Variants in TEX22 observed in about 807,000 individuals in gnomAD.
TEX22 encodes the protein testis expressed 22, also known as testis-expressed protein 22.
Under a neutral mutation model 11.3 loss-of-function variants are expected in TEX22, and 16 were observed. The ratio of observed to expected loss-of-function variants is 1.42; its 90% CI spans 0.96 to 2.15. The LOEUF (loss-of-function observed/expected upper bound fraction) is 2.15, where lower values mean the gene tolerates loss of function less well. TEX22 is among the 30% of genes most tolerant of loss of function. The probability of loss-of-function intolerance (pLI) is 0.00; values close to 1 mark genes in which losing one functional copy is unlikely to be tolerated. For missense variants in TEX22, 220 were observed against 208.6 expected (o/e 1.05, Z -0.34); for synonymous variants, 97 against 92.3 (o/e 1.05, Z -0.29).
In TEX22 at chr14:105,404,104, C is replaced by T. The variant is rs138616021; in HGVS notation, c.150+4614C>T. 6.6e-3 allele frequency among the ~76,000 whole-genome samples: 1,002 copies of T among 152,334 alleles called. 17 individuals carry two copies. Among genetic ancestry groups the T allele is most frequent in the African/African-American group, 0.023 (938 of 41,562 alleles). On this transcript the variant is annotated intron_variant, in intron 2 of 3. Transcript: ENST00000451127. ...CTGGTGGCTTTGGTTTGAGATCTCT[C>T]AGGAGCTTATAGTTGAGATAGCAGT...
intron 2 of TEX22, among the ~76,000 whole-genome samples, chr14:105,405,018 G>C (rs55721149): frequency 8.7e-4 from 133 of 152,262 alleles, no homozygotes; most frequent in African/African-American, 2.9e-3. Flanking sequence ...AGAAGAGGAG[G>C]GGGGTGGGCC....
chr14:105,411,287 G>A, intron 2 of TEX22, 81 bp from the exon 3 acceptor site: 1 of 1,224,126 alleles, frequency 8.2e-7, no homozygotes, highest in Non-Finnish European at 1.0e-6. Context: ...GGCGAGCTCT[G>A]AGGGTCGGCG....
chr14:105,411,616 C>T (rs782250205), intron 3 of TEX22, 44 bp from the exon 4 acceptor site: 2 of 1,465,582 alleles, frequency 1.4e-6, no homozygotes, highest in South Asian at 2.4e-5. Flanking sequence ...CCGCCGTTGT[C>T]CCCTTCCCGC....
chr14:105,402,492 C>A (rs190252612), intron 2 of TEX22, among the ~76,000 whole-genome samples: 20 of 152,128 alleles, frequency 1.3e-4, no homozygotes, highest in South Asian at 2.1e-4. Context: ...TGGTGGCTCA[C>A]GCCTGTAATC....
intron 1 of TEX22, among the ~76,000 whole-genome samples, chr14:105,398,949 G>C (rs1179063694): frequency 6.6e-6 from 1 of 152,248 alleles, no homozygotes; most frequent in African/African-American, 2.4e-5. Flanking sequence ...AGCAAGGCCG[G>C]GCCCTGAGAG....
intron 2 of TEX22, among the ~76,000 whole-genome samples, chr14:105,410,894 G>T (rs1173058474): frequency 6.6e-6 from 1 of 152,202 alleles, no homozygotes; most frequent in East Asian, 1.9e-4. Context: ...CCCTGCCAGG[G>T]GCCCTCCTCC....
chr14:105,410,269 G>T (rs1214598073), intron 2 of TEX22, among the ~76,000 whole-genome samples: 1 of 152,100 alleles, frequency 6.6e-6, no homozygotes, highest in Admixed American at 6.6e-5. Context: ...TAGAGATGGG[G>T]TTTTTCCACG....
intron 2 of TEX22, among the ~76,000 whole-genome samples, chr14:105,404,393 G>A (rs942363447): frequency 3.9e-5 from 6 of 152,172 alleles, no homozygotes; most frequent in Non-Finnish European, 7.3e-5. Context: ...TACAGTATCC[G>A]TTTTGGATAC....
At chr14:105,405,669 G>C (rs922186346) in intron 2 of TEX22, among the ~76,000 whole-genome samples, 2 of 152,224 alleles carry the variant, frequency 1.3e-5, no homozygotes, top group Non-Finnish European at 2.9e-5. Context: ...AGCCGTGAGC[G>C]TGAGTCTCAT....
In TEX22 at chr14:105,411,359, G is replaced by C. The variant is rs2081689036; in HGVS notation, c.151-9G>C. 1.5e-6 allele frequency: 2 copies of C among 1,330,084 alleles called. No individual in the cohort carries two copies. The highest frequency in any genetic ancestry group is 3.2e-5 in the East Asian group (1 of 31,034). 82.4% of individuals were successfully genotyped at this position (1,330,084 alleles called of 1,614,324 possible). A position where few individuals can be genotyped will look rare whatever the true frequency, so the allele number is the denominator to read the frequency against. ...GAGGCCCTCGCCGACCCGCTGCCCT[G>C]TCCCCCAGGTGTGCGAGCCGCCGGA... On this transcript the variant is annotated splice_polypyrimidine_tract_variant and intron_variant, in intron 2 of 3. Transcript: ENST00000451127.
chr14:105,399,521 C>T, intron 2 of TEX22, 31 bp downstream of exon 2: 1 of 1,502,862 alleles, frequency 6.7e-7, no homozygotes, highest in East Asian at 2.5e-5. Context: ...GCCGAGGCTA[C>T]TCTCCTGTCC....
chr14:105,401,736 A>T (rs1015321101), intron 2 of TEX22, among the ~76,000 whole-genome samples: 24 of 152,162 alleles, frequency 1.6e-4, no homozygotes, highest in African/African-American at 4.1e-4. Context: ...AGTATAATTT[A>T]AAAAAAACCG....
At chr14:105,404,526 A>G (rs2081649195) in intron 2 of TEX22, among the ~76,000 whole-genome samples, 1 of 152,220 alleles carries the variant, frequency 6.6e-6, no homozygotes, top group Non-Finnish European at 1.5e-5. Context: ...TATACGCTTT[A>G]AGAAATTATG....
intron 2 of TEX22, among the ~76,000 whole-genome samples, chr14:105,402,511 T>C (rs1266470954): frequency 2.0e-5 from 3 of 151,976 alleles, no homozygotes; most frequent in East Asian, 1.9e-4. Flanking sequence ...TCCCAGCACT[T>C]TGGGAGGCTG....
intron 2 of TEX22, among the ~76,000 whole-genome samples, chr14:105,407,360 G>C (rs10137499): frequency 0.053 from 8,076 of 151,876 alleles, 715 homozygotes; most frequent in African/African-American, 0.19. Flanking sequence ...GAGCCACCAT[G>C]CCCGGCCAGT....
intron 2 of TEX22, among the ~76,000 whole-genome samples, chr14:105,400,407 G>A (rs587722297): frequency 5.3e-5 from 8 of 152,194 alleles, no homozygotes; most frequent in Admixed American, 3.9e-4. Context: ...TTTGGGAGGC[G>A]AACATCTCAT....
chr14:105,399,323 A>T lies in TEX22; in HGVS notation c.-18A>T. On this transcript the variant is annotated 5_prime_UTR_variant, in exon 2 of 4. Coordinates refer to ENST00000451127, the MANE Select transcript of TEX22 (RefSeq NM_001195082.2). ...CCAGATCTCAGAGGTGTGGACAAGCAGCCTACTAGGGCTAGAGATGGACAG... is the reference window on the plus strand; with the variant it reads ...CCAGATCTCAGAGGTGTGGACAAGCTGCCTACTAGGGCTAGAGATGGACAG... 6.7e-7 allele frequency: 1 copy of T among 1,494,808 alleles called. No individual in the cohort carries two copies. Among genetic ancestry groups the T allele is most frequent in the Non-Finnish European group, 8.9e-7 (1 of 1,123,876 alleles). 92.6% of individuals were successfully genotyped at this position (1,494,808 alleles called of 1,614,324 possible).
At chr14:105,411,226 G>A (rs2081688019) in intron 2 of TEX22, 142 bp from the exon 3 acceptor site, 1 of 1,012,446 alleles carries the variant, frequency 9.9e-7, no homozygotes, top group Non-Finnish European at 1.2e-6. Flanking sequence ...CCGGGAGCTG[G>A]CGCTGGAGCA....
chr14:105,400,199 C>T (rs1283698607), intron 2 of TEX22, among the ~76,000 whole-genome samples: 3 of 152,212 alleles, frequency 2.0e-5, no homozygotes, highest in African/African-American at 7.2e-5. Context: ...GCAGCTGGCG[C>T]TGGTCATGCG....
Sources: gnomAD v4.1 joint callset for allele counts (sites outside exome capture counted in the v4.1 genomes callset) on GRCh38, gnomAD v4.1.1 for gene constraint, MANE v1.5 for transcripts, NCBI Gene and HGNC (gene_info 2026-07-23, HGNC 2026-07-21) for gene names.